Variants in FBXW8 observed in about 807,000 individuals in gnomAD.
The protein encoded by FBXW8 is F-box and WD repeat domain containing 8.
In FBXW8, 57 loss-of-function variants were observed where a neutral mutation model predicts 65.3. The ratio of observed to expected loss-of-function variants is 0.87; its 90% CI spans 0.71 to 1.09. The LOEUF (loss-of-function observed/expected upper bound fraction) is 1.09, where lower values mean the gene tolerates loss of function less well. FBXW8 is among the 50% of genes least tolerant of loss of function. FBXW8 has a pLI of 0.00. For synonymous variants in FBXW8, 308 were observed against 330.2 expected (o/e 0.93, Z 0.73); for missense variants, 777 against 814.8 (o/e 0.95, Z 0.57).
chr12:117,008,098 A>G (rs1205309702), intron 7 of FBXW8, among the ~76,000 whole-genome samples: 1 of 152,218 alleles, frequency 6.6e-6, no homozygotes, highest in East Asian at 1.9e-4. Context: ...CTAAGAAATA[A>G]TTTATCCACT....
chr12:116,935,813 G>A (rs4767476), intron 2 of FBXW8, among the ~76,000 whole-genome samples: 115,846 of 152,150 alleles, frequency 0.76, 45,757 homozygotes, highest in Non-Finnish European at 0.86. Context: ...TGAATAAGAA[G>A]GAGCCTACGG....
At chr12:116,924,561 CTCTG>C (rs1881177180) in intron 1 of FBXW8, among the ~76,000 whole-genome samples, 2 of 152,266 alleles carry the variant, frequency 1.3e-5, no homozygotes, top group African/African-American at 2.4e-5. Context: ...ATTAACCAAC[CTCTG>C]TCTGATAGTG....
chr12:116,918,003 A>AC, intron 1 of FBXW8, among the ~76,000 whole-genome samples: 1 of 151,122 alleles, frequency 6.6e-6, no homozygotes, highest in Middle Eastern at 3.4e-3. Context: ...AAAAAAAAAA[A>AC]ACAAAAAAAA....
intron 6 of FBXW8, chr12:116,986,581 T>TTG (rs1885694358): frequency 1.3e-5 from 2 of 150,040 alleles, no homozygotes; most frequent in Non-Finnish European, 2.9e-5. Context: ...TGAGCCGAGA[T>TTG]CGCCACTGCA....
Position 117,028,427 on chromosome 12 carries a change from T to A in FBXW8, c.*255T>A. 1.9e-6 allele frequency: 1 copy of A among 524,732 alleles called. No individual in the cohort carries two copies. Among genetic ancestry groups the A allele is most frequent in the Non-Finnish European group, 3.4e-6 (1 of 290,754 alleles). The allele number at this position is 524,732 out of a possible 1,614,324, so 32.5% of individuals were successfully genotyped here. A position where few individuals can be genotyped will look rare whatever the true frequency, so the allele number is the denominator to read the frequency against. ...TCCTTCCCCACCCAGCTGGCCACCC[T>A]GGCCTCAGCTCCCTCAGGACGCCTC... On this transcript the variant is annotated 3_prime_UTR_variant, in exon 11 of 11. Transcript: ENST00000652555. The surrounding 1 kb of genome is among the most constrained non-coding windows in gnomAD (Gnocchi z 4.1).
At chr12:116,996,579 C>T (rs1953382821) in intron 7 of FBXW8, among the ~76,000 whole-genome samples, 1 of 151,802 alleles carries the variant, frequency 6.6e-6, no homozygotes, top group South Asian at 2.1e-4. Flanking sequence ...TGTGAACTTT[C>T]CATTTAAAAA....
chr12:116,967,868 GC>G (rs1428488287), intron 5 of FBXW8, among the ~76,000 whole-genome samples: 1 of 152,156 alleles, frequency 6.6e-6, no homozygotes, highest in African/African-American at 2.4e-5. Context: ...CTGGGGTCAG[GC>G]GATTCTCCTG....
intron 5 of FBXW8, among the ~76,000 whole-genome samples, chr12:116,969,025 A>G (rs756412844): frequency 2.6e-5 from 4 of 152,264 alleles, no homozygotes; most frequent in Middle Eastern, 3.4e-3. Context: ...GCTTTTAGCT[A>G]TGAAATTCAC....
chr12:117,016,895 T>TC (rs755956672), intron 8 of FBXW8, among the ~76,000 whole-genome samples: 14 of 152,314 alleles, frequency 9.2e-5, no homozygotes, highest in Non-Finnish European at 2.1e-4. Context: ...GACAATTCTC[T>TC]CCCCCATTCA....
chr12:116,967,174 T>A (rs966041727), intron 5 of FBXW8, among the ~76,000 whole-genome samples: 6 of 151,844 alleles, frequency 4.0e-5, no homozygotes, highest in Admixed American at 2.0e-4. Context: ...TTTTTTTTTT[T>A]AATAACCTAA....
In FBXW8 at chr12:116,945,344, T is replaced by A; in HGVS notation, c.424-20T>A. On this transcript the variant is annotated intron_variant, in intron 2 of 10. Coordinates refer to ENST00000652555, the MANE Select transcript of FBXW8 (RefSeq NM_153348.3). Reference sequence around the variant, plus strand: ...CTCTAATTGCAGAATTTGACATTTGTGTCACTTCTGCTGTTTTAGGTGAGC... The same window carrying A: ...CTCTAATTGCAGAATTTGACATTTGAGTCACTTCTGCTGTTTTAGGTGAGC... The A allele has an allele frequency of 6.3e-7, 1 of 1,594,832 alleles. No homozygotes were observed. Among genetic ancestry groups the A allele is most frequent in the Non-Finnish European group, 8.6e-7 (1 of 1,167,444 alleles).
At chr12:116,963,106 A>T (rs1306950863) in intron 4 of FBXW8, among the ~76,000 whole-genome samples, 1 of 152,186 alleles carries the variant, frequency 6.6e-6, no homozygotes, top group African/African-American at 2.4e-5. Context: ...TTCAGAAAGC[A>T]CGTCTCTCCC....
chr12:116,911,382 C>G, intron 1 of FBXW8, 27 bp downstream of exon 1: 2 of 1,250,402 alleles, frequency 1.6e-6, no homozygotes, highest in Non-Finnish European at 2.0e-6. Flanking sequence ...TCCCCCCCGC[C>G]CATGCCTGCG....
At chr12:116,923,521 CT>C (rs1046273125) in intron 1 of FBXW8, among the ~76,000 whole-genome samples, 63 of 144,386 alleles carry the variant, frequency 4.4e-4, no homozygotes, top group Admixed American at 4.9e-4. Flanking sequence ...AAATTATTTT[CT>C]TTTTTTTTTT....
intron 8 of FBXW8, among the ~76,000 whole-genome samples, chr12:117,020,463 G>A (rs1305042683): frequency 3.3e-5 from 5 of 152,178 alleles, no homozygotes; most frequent in Non-Finnish European, 5.9e-5. Flanking sequence ...TCCGGAACTT[G>A]GGGCGTGTGG....
intron 7 of FBXW8, among the ~76,000 whole-genome samples, chr12:116,993,963 A>G (rs1953313598): frequency 6.6e-6 from 1 of 152,196 alleles, no homozygotes. Flanking sequence ...CAATTTTCCC[A>G]GCACCATTTA....
rs184950052 is a variant in FBXW8, at chr12:116,953,975, G to A, written c.677+4269G>A. 6.2e-3 allele frequency among the ~76,000 whole-genome samples: 937 copies of A among 151,688 alleles called. 4 individuals are homozygous for A. Among genetic ancestry groups the A allele is most frequent in the Non-Finnish European group, 9.7e-3 (659 of 67,876 alleles). On this transcript the variant is annotated intron_variant, in intron 4 of 10. Transcript: ENST00000652555. The stretch of plus-strand genomic sequence containing the variant: ...CTAAAAATACAAAAATTAGCTGGGC[G>A]TGGTGGCGGGCACCTGTAATCCTAG...
At chr12:116,947,297 A>G (rs1376500774) in intron 3 of FBXW8, among the ~76,000 whole-genome samples, 2 of 152,166 alleles carry the variant, frequency 1.3e-5, no homozygotes, top group South Asian at 4.1e-4. Context: ...GGCTGAACCA[A>G]ACATGAGGGA....
intron 2 of FBXW8, among the ~76,000 whole-genome samples, chr12:116,943,428 T>C (rs571098731): frequency 6.6e-6 from 1 of 152,366 alleles, no homozygotes; most frequent in East Asian, 1.9e-4. Flanking sequence ...TTCTCTAATT[T>C]GTATTATTTG....
Sources: allele counts gnomAD v4.1 joint callset (sites outside exome capture counted in the v4.1 genomes callset), GRCh38; gene constraint gnomAD v4.1.1; non-coding constraint Gnocchi (gnomAD v3.1); transcripts MANE v1.5; gene names NCBI Gene and HGNC (gene_info 2026-07-23, HGNC 2026-07-21).